TRPM2: variants seen among roughly 807,000 people sequenced by gnomAD.
TRPM2 encodes the protein estrogen-responsive element-associated gene 1 protein.
A neutral mutation model predicts 174.0 loss-of-function variants in TRPM2; 161 were observed. The observed-to-expected ratio is 0.93, with a 90% CI of 0.81 to 1.05. The LOEUF (loss-of-function observed/expected upper bound fraction) is 1.05. TRPM2 is among the 50% of genes least tolerant of loss of function. The probability of loss-of-function intolerance (pLI) is 0.00; values close to 1 mark genes in which losing one functional copy is unlikely to be tolerated. For missense variants in TRPM2, 2,057 were observed against 2,038.0 expected (o/e 1.01, Z -0.18); for synonymous variants, 954 against 861.3 (o/e 1.11, Z -1.88).
At chr21:44,364,428 G>A (rs1190608879) in intron 3 of TRPM2, 146 bp downstream of exon 3, 11 of 928,776 alleles carry the variant, frequency 1.2e-5, no homozygotes, top group Middle Eastern at 3.4e-4. Context: ...CAAGGGAAGC[G>A]GCGGGGAGGG....
At chr21:44,371,917 G>A (rs978885729) in intron 5 of TRPM2, among the ~76,000 whole-genome samples, 1 of 152,164 alleles carries the variant, frequency 6.6e-6, no homozygotes, top group African/African-American at 2.4e-5. Context: ...CGGATCACTT[G>A]AGGACAAAAG....
chr21:44,433,819 G>A (rs1017377747), intron 27 of TRPM2, among the ~76,000 whole-genome samples: 4 of 152,122 alleles, frequency 2.6e-5, no homozygotes, highest in East Asian at 1.9e-4. Context: ...GTTCTGGTGC[G>A]GACTCTGATC....
chr21:44,420,140 C>A (rs1032633804), intron 22 of TRPM2, among the ~76,000 whole-genome samples: 1 of 152,072 alleles, frequency 6.6e-6, no homozygotes, highest in Non-Finnish European at 1.5e-5. Context: ...TGATGACTTC[C>A]AGTTGAGCCC....
intron 8 of TRPM2, among the ~76,000 whole-genome samples, chr21:44,381,214 G>A (rs1489598110): frequency 3.9e-5 from 6 of 152,060 alleles, no homozygotes; most frequent in Non-Finnish European, 5.9e-5. Context: ...AGCAGGGGAG[G>A]CCAGGTGTGG....
chr21:44,409,931 C>G (rs545082415), intron 19 of TRPM2, among the ~76,000 whole-genome samples: 1 of 143,776 alleles, frequency 7.0e-6, no homozygotes, highest in South Asian at 2.2e-4. Context: ...AAGTTTTGAT[C>G]GTGCTGTCTT....
chr21:44,400,674 T>C (rs904091543), intron 15 of TRPM2, among the ~76,000 whole-genome samples: 1 of 152,242 alleles, frequency 6.6e-6, no homozygotes, highest in Non-Finnish European at 1.5e-5. Context: ...CTGCCGGCAC[T>C]GTAGACCTGA....
chr21:44,406,475 T>G, intron 18 of TRPM2, 119 bp from the exon 19 acceptor site: 1 of 1,271,416 alleles, frequency 7.9e-7, no homozygotes, highest in Non-Finnish European at 1.1e-6. Flanking sequence ...GGGAGCCTCC[T>G]GCATGCCGTG....
At position 44,441,835 on chromosome 21, in the gene TRPM2, G is replaced by A. The variant is rs773089626; in HGVS notation, c.*18G>A. 1.1e-5 allele frequency: 18 copies of A among 1,591,946 alleles called. No homozygotes were observed. The highest frequency in any genetic ancestry group is 1.5e-5 in the Non-Finnish European group (17 of 1,168,916). On this transcript the variant is annotated 3_prime_UTR_variant, in exon 32 of 32. Coordinates refer to ENST00000397928, the MANE Select transcript of TRPM2 (RefSeq NM_003307.4). Reference sequence around the variant, plus strand: ...ACTACTGACTGTGCCCTCAGGCTGGGCGGCTCCAGTCCATAGACGTTCCCC... The same window carrying A: ...ACTACTGACTGTGCCCTCAGGCTGGACGGCTCCAGTCCATAGACGTTCCCC...
chr21:44,373,597 A>G (rs552472635), intron 5 of TRPM2, among the ~76,000 whole-genome samples: 18 of 113,434 alleles, frequency 1.6e-4, no homozygotes, highest in African/African-American at 4.8e-4. Flanking sequence ...CCTGCATTAT[A>G]TGCGACCTGC....
chr21:44,404,373 A>G (rs970112471), intron 16 of TRPM2, among the ~76,000 whole-genome samples: 1 of 83,512 alleles, frequency 1.2e-5, no homozygotes, highest in Non-Finnish European at 2.6e-5. Context: ...CAGAATGCAC[A>G]CATACATACA....
intron 30 of TRPM2, among the ~76,000 whole-genome samples, chr21:44,440,484 C>CAT (rs1416522945): frequency 6.6e-6 from 1 of 152,154 alleles, no homozygotes; most frequent in African/African-American, 2.4e-5. Flanking sequence ...TTCTGGGTGT[C>CAT]TGTTATGAGT....
At chr21:44,351,285 G>A (rs1194822282), upstream of TRPM2, among the ~76,000 whole-genome samples, 1 of 152,056 alleles carries the variant, frequency 6.6e-6, no homozygotes, top group African/African-American at 2.4e-5. Context: ...CCTGCCATGC[G>A]GGACCCCCGG....
At chr21:44,363,919 T>G (rs1237233679) in intron 2 of TRPM2, among the ~76,000 whole-genome samples, 195 bp from the exon 3 acceptor site, 1 of 152,180 alleles carries the variant, frequency 6.6e-6, no homozygotes, top group Admixed American at 6.5e-5. Context: ...GGAGGCTTCT[T>G]GTTACTGCTG....
rs921671903 is a variant in TRPM2 at position 44,364,026 on chromosome 21, C to A, written c.255-88C>A. 5.6e-6 allele frequency: 8 copies of A among 1,421,956 alleles called. No individual in the cohort carries two copies. The South Asian group carries it at 1.0e-4, about 18-fold the overall frequency. The allele number at this position is 1,421,956 out of a possible 1,614,324, so 88.1% of individuals were successfully genotyped here. ...GTTTTTGCTGGGTGGGGGAAGGTTG[C>A]GGCTTTCCACTGGGCCTCCTCTGAT... On this transcript the variant is annotated intron_variant, in intron 2 of 31. Coordinates refer to ENST00000397928, the MANE Select transcript of TRPM2 (RefSeq NM_003307.4).
chr21:44,414,118 G>C lies in TRPM2; in HGVS notation c.3146+44G>C, dbSNP rs368456968. ...CTGGCGTGCAGGTGGGTGGGTGGGC[G>C]GCGTTCCTGGGCCGCAGTGGCCATG... On this transcript the variant is annotated intron_variant, in intron 20 of 31. Transcript: ENST00000397928. The C allele has an allele frequency of 5.0e-6, 8 of 1,584,624 alleles. No individual in the cohort carries two copies. In the East Asian group the frequency reaches 1.8e-4, roughly 36 times the overall value.
intron 27 of TRPM2, among the ~76,000 whole-genome samples, chr21:44,434,147 A>G (rs1357818543): frequency 6.6e-6 from 1 of 152,092 alleles, no homozygotes; most frequent in Non-Finnish European, 1.5e-5. Context: ...GGTGGGTCAG[A>G]GGCTGCAGCT....
At position 44,369,256 on chromosome 21, in the gene TRPM2, C is replaced by T. The variant is rs2048450932; in HGVS notation, c.684C>T (p.Ser228=). ...VGEAVRDFSL[S]SSYKEGELIT... is the part of the protein sequence containing the mutation. ...AGGCGGTGCGGGACTTCAGCCTGAG[C>T]AGCAGCTACAAGGAAGGCGAGCTCA... Residue 228 remains serine, a synonymous_variant, in exon 5 of 32, where the codon AGC becomes AGT. Transcript: ENST00000397928. 1.2e-6 allele frequency: 2 copies of T among 1,613,786 alleles called. No individual in the cohort carries two copies. Among genetic ancestry groups the T allele is most frequent in the East Asian group, 4.5e-5 (2 of 44,874 alleles).
In TRPM2 at chr21:44,397,972, ACCCTG is replaced by A. The variant is rs992610687; in HGVS notation, c.2062+97_2062+101del. ...CTGGGTCTCAGCCCCATGTGCCCTC[ACCCTG>A]GGGTCCTCGTCCCTGGGCCTCAGCC... On this transcript the variant is annotated intron_variant, in intron 13 of 31. Transcript: ENST00000397928. The A allele has an allele frequency of 5.1e-6, 7 of 1,369,470 alleles. No individual in the cohort carries two copies. The Admixed American group carries it at 2.0e-4, about 40-fold the overall frequency. 84.8% of individuals were successfully genotyped at this position (1,369,470 alleles called of 1,614,324 possible).
At chr21:44,380,864 A>G (rs1449685141) in intron 8 of TRPM2, among the ~76,000 whole-genome samples, 1 of 152,186 alleles carries the variant, frequency 6.6e-6, no homozygotes, top group Non-Finnish European at 1.5e-5. Flanking sequence ...AGACGAGGAA[A>G]CGAGGCCCTG....
Sources: allele counts gnomAD v4.1 joint callset (sites outside exome capture counted in the v4.1 genomes callset), GRCh38; gene constraint gnomAD v4.1.1; transcripts MANE v1.5; gene names NCBI Gene and HGNC (gene_info 2026-07-23, HGNC 2026-07-21).